Variants in ZNF562 observed in about 807,000 individuals in gnomAD.
ZNF562 encodes zinc finger protein 562.
A neutral mutation model predicts 17.5 loss-of-function variants in ZNF562; 13 were observed. The ratio of observed to expected loss-of-function variants is 0.74; its 90% CI spans 0.48 to 1.18. The LOEUF is 1.18. Among genes scored for constraint, ZNF562 ranks in the 50% most tolerant of loss-of-function variants. The pLI is 0.00. For synonymous variants in ZNF562, 163 were observed against 165.4 expected (o/e 0.99, Z 0.11); for missense variants, 481 against 498.5 (o/e 0.96, Z 0.33).
intron 1 of ZNF562, among the ~76,000 whole-genome samples, chr19:9,665,802 C>T (rs2043934732): frequency 6.6e-6 from 1 of 151,794 alleles, no homozygotes; most frequent in East Asian, 1.9e-4. Context: ...ATGGCTTGAG[C>T]TCAGGAGTTC....
chr19:9,674,827 C>T (rs926053539), intron 1 of ZNF562, 188 bp downstream of exon 1: 1 of 152,314 alleles, frequency 6.6e-6, no homozygotes. Context: ...AACAAACACA[C>T]TTCCCGACGC....
At chr19:9,663,511 T>G (rs745636540) in intron 1 of ZNF562, among the ~76,000 whole-genome samples, 1 of 151,692 alleles carries the variant, frequency 6.6e-6, no homozygotes, top group Non-Finnish European at 1.5e-5. Flanking sequence ...TTCCAAAATA[T>G]AGTCTTCAAG....
rs952667740 is a variant in ZNF562, at chr19:9,645,987, A to T, written c.*6962T>A. On this transcript the variant is annotated 3_prime_UTR_variant, in exon 6 of 6. Coordinates refer to ENST00000453372, the MANE Select transcript of ZNF562 (RefSeq NM_001130031.2). ...CAAAAAAAATTAGATGCTAGAAATT[A>T]ATCCAAATTATTACTAATTAAATGT... is the stretch of plus-strand genomic sequence containing the variant. 6.6e-6 allele frequency: 1 copy of T among 152,216 alleles called. No individual in the cohort carries two copies. Among genetic ancestry groups the T allele is most frequent in the Admixed American group, 6.5e-5 (1 of 15,276 alleles). 9.4% of individuals were successfully genotyped at this position (152,216 alleles called of 1,614,324 possible). A position where few individuals can be genotyped will look rare whatever the true frequency, so the allele number is the denominator to read the frequency against.
At chr19:9,665,096 C>T (rs2043901168) in intron 1 of ZNF562, among the ~76,000 whole-genome samples, 1 of 151,972 alleles carries the variant, frequency 6.6e-6, no homozygotes, top group Admixed American at 6.6e-5. Flanking sequence ...GTGGCACACG[C>T]CTGAAGTCCC....
chr19:9,653,978 C>T lies in ZNF562; in HGVS notation c.349-97G>A, dbSNP rs574830888. ...CATTATTTTGATGACAATTATTTTA[C>T]TTTTTAATGTTTAATTTTTTTTTTT... On this transcript the variant is annotated intron_variant, in intron 5 of 5. Coordinates refer to ENST00000453372, the MANE Select transcript of ZNF562 (RefSeq NM_001130031.2). 538 of 1,270,720 alleles carry T rather than the reference C, an allele frequency of 4.2e-4. 4 individuals are homozygous for T. The African/African-American group carries it at 8.0e-3, about 19-fold the overall frequency. The allele number at this position is 1,270,720 out of a possible 1,614,324, so 78.7% of individuals were successfully genotyped here.
Position 9,653,547 on chromosome 19 carries a change from C to T in ZNF562, c.683G>A (p.Gly228Glu). The T allele has an allele frequency of 1.2e-6, 2 of 1,614,172 alleles. No individual in the cohort carries two copies. Among genetic ancestry groups the T allele is most frequent in the East Asian group, 2.2e-5 (1 of 44,868 alleles). ...SLDNHMGIHI[G>E]EKLCEFQECE... is the part of the protein sequence containing the mutation. ...TTCCTGAAATTCACAGAGTTTCTCT[C>T]CAATGTGGATTCCCATGTGATTATC... The change falls in exon 6 of 6, where the codon GGA becomes GAA. Residue 228 changes from glycine to glutamate, a missense_variant. This residue lies in a region of ZNF562 where 403 missense variants were observed against 386.4 expected (regional missense o/e 1.04). Coordinates refer to ENST00000453372, the MANE Select transcript of ZNF562 (RefSeq NM_001130031.2).
At chr19:9,655,988 C>T (rs952939331) in intron 5 of ZNF562, among the ~76,000 whole-genome samples, 2 of 152,030 alleles carry the variant, frequency 1.3e-5, no homozygotes, top group Non-Finnish European at 2.9e-5. Flanking sequence ...CTATCTTTGC[C>T]TCCTAAAGTG....
chr19:9,659,918 C>G lies in ZNF562; in HGVS notation c.26-451G>C, dbSNP rs553236193. Among the ~76,000 whole-genome samples the G allele has an allele frequency of 9.9e-5, 10 of 100,998 alleles. No individual in the cohort carries two copies. In the East Asian group the frequency reaches 3.1e-3, roughly 32 times the overall value. 66.3% of individuals were successfully genotyped at this position (100,998 alleles called of 152,430 possible). On this transcript the variant is annotated intron_variant, in intron 2 of 5. Coordinates refer to ENST00000453372, the MANE Select transcript of ZNF562 (RefSeq NM_001130031.2). ...ACCAGCCTGGCCAACATGGCAAAACCCCGTCTCTACTAAAAAAAAAAAAAA... is the reference window on the plus strand; with the variant it reads ...ACCAGCCTGGCCAACATGGCAAAACGCCGTCTCTACTAAAAAAAAAAAAAA...
At position 9,652,924 on chromosome 19, in the gene ZNF562, A is replaced by G; in HGVS notation, c.*25T>C. The G allele has an allele frequency of 6.8e-7, 1 of 1,470,662 alleles. No homozygotes were observed. Among genetic ancestry groups the G allele is most frequent in the East Asian group, 2.3e-5 (1 of 43,006 alleles). 91.1% of individuals were successfully genotyped at this position (1,470,662 alleles called of 1,614,324 possible). A position where few individuals can be genotyped will look rare whatever the true frequency, so the allele number is the denominator to read the frequency against. ...TTCACAGGTGGGGTGAGGAATACAGAAATTCTTTCCCACATATCTTGCATT... is the reference window on the plus strand; with the variant it reads ...TTCACAGGTGGGGTGAGGAATACAGGAATTCTTTCCCACATATCTTGCATT... On this transcript the variant is annotated 3_prime_UTR_variant, in exon 6 of 6. Coordinates refer to ENST00000453372, the MANE Select transcript of ZNF562 (RefSeq NM_001130031.2).
At chr19:9,656,676 T>G in intron 4 of ZNF562, 23 bp from the exon 5 acceptor site, 1 of 1,604,894 alleles carries the variant, frequency 6.2e-7, no homozygotes, top group Non-Finnish European at 8.5e-7. Flanking sequence ...AGAAGAAATG[T>G]GTTAGTTTAA....
At chr19:9,664,954 G>T (rs554872132) in intron 1 of ZNF562, among the ~76,000 whole-genome samples, 2 of 152,312 alleles carry the variant, frequency 1.3e-5, no homozygotes, top group South Asian at 2.1e-4. Flanking sequence ...AGGTGTAGTG[G>T]CTCATGCCTG....
In ZNF562 at chr19:9,658,459, C is replaced by T. The variant is rs541393305; in HGVS notation, c.115-324G>A. On this transcript the variant is annotated intron_variant, in intron 3 of 5. Coordinates refer to ENST00000453372, the MANE Select transcript of ZNF562 (RefSeq NM_001130031.2). ...CCACCTCCTAAGTTCAAGTGATTCT[C>T]ATGCCTCAGCCTCCCAAGTAGATGG... 891 of 459,548 alleles carry T rather than the reference C, an allele frequency of 1.9e-3. 1 individual carries two copies. Among genetic ancestry groups the T allele is most frequent in the Non-Finnish European group, 2.0e-3 (694 of 349,736 alleles). The allele number at this position is 459,548 out of a possible 1,614,324, so 28.5% of individuals were successfully genotyped here.
chr19:9,652,861 A>G lies in ZNF562; in HGVS notation c.*88T>C. On this transcript the variant is annotated 3_prime_UTR_variant, in exon 6 of 6. Transcript: ENST00000453372. ...ATGAGGAAAGAGCAAATGCTTTCCC[A>G]AATTCTTTACATACAAAAGGTTTCT... 7.7e-7 allele frequency: 1 copy of G among 1,302,634 alleles called. No individual in the cohort carries two copies. Among genetic ancestry groups the G allele is most frequent in the Non-Finnish European group, 1.0e-6 (1 of 973,230 alleles). 80.7% of individuals were successfully genotyped at this position (1,302,634 alleles called of 1,614,324 possible). A position where few individuals can be genotyped will look rare whatever the true frequency, so the allele number is the denominator to read the frequency against.
chr19:9,673,231 G>A (rs533545504), intron 1 of ZNF562, among the ~76,000 whole-genome samples: 25 of 152,160 alleles, frequency 1.6e-4, no homozygotes, highest in South Asian at 2.1e-4. Context: ...CCTAACCCAC[G>A]GGGGAGAGAC....
chr19:9,654,434 G>T (rs1373605914), intron 5 of ZNF562, among the ~76,000 whole-genome samples: 1 of 152,010 alleles, frequency 6.6e-6, no homozygotes, highest in Admixed American at 6.6e-5. Context: ...AGGACTAGAG[G>T]CATGCATCAT....
In ZNF562 at chr19:9,650,982, A is replaced by AAAAAAAAAAAAAAAAAAAAAAC. The variant is rs1599260751; in HGVS notation, c.*1966_*1967insGTTTTTTTTTTTTTTTTTTTTT. 1.4e-5 allele frequency: 2 copies of AAAAAAAAAAAAAAAAAAAAAAC among 146,146 alleles called. No homozygotes were observed. The highest frequency in any genetic ancestry group is 3.4e-3 in the Middle Eastern group (1 of 294). The allele number at this position is 146,146 out of a possible 1,614,324, so 9.1% of individuals were successfully genotyped here. A position where few individuals can be genotyped will look rare whatever the true frequency, so the allele number is the denominator to read the frequency against. On this transcript the variant is annotated 3_prime_UTR_variant, in exon 6 of 6. Coordinates refer to ENST00000453372, the MANE Select transcript of ZNF562 (RefSeq NM_001130031.2). ...AAAAAAAAAAAAAAAAAAAAAAAAA[A>AAAAAAAAAAAAAAAAAAAAAAC]TCCTGTGTTTTTAACCTCATTGATT... is the stretch of plus-strand genomic sequence containing the variant.
At chr19:9,653,965 G>T in intron 5 of ZNF562, 84 bp from the exon 6 acceptor site, 3 of 1,347,000 alleles carry the variant, frequency 2.2e-6, no homozygotes, top group Middle Eastern at 2.0e-4. Flanking sequence ...TTATTTTGAT[G>T]ACAATTATTT....
chr19:9,663,062 G>C (rs1042469607), intron 1 of ZNF562, among the ~76,000 whole-genome samples: 1 of 151,426 alleles, frequency 6.6e-6, no homozygotes, highest in Non-Finnish European at 1.5e-5. Flanking sequence ...TTGCCACTTG[G>C]TACACAACTA....
rs142526474 is a variant in ZNF562, at chr19:9,656,871, A to AATATATAT, written c.242-226_242-219dup. On this transcript the variant is annotated intron_variant, in intron 4 of 5. Transcript: ENST00000453372. ...AACCCTCTCTCTAGTAAAATACAAAAATATATATATATATATATATTAGCC... is the reference window on the plus strand; with the variant it reads ...AACCCTCTCTCTAGTAAAATACAAAAATATATATATATATATATATATATATATTAGCC... Among the ~76,000 whole-genome samples, 1,018 of 142,420 alleles carry AATATATAT rather than the reference A, an allele frequency of 7.1e-3. 10 individuals carry two copies. The highest frequency in any genetic ancestry group is 0.016 in the African/African-American group (622 of 38,626). The allele number at this position is 142,420 out of a possible 152,430, so 93.4% of individuals were successfully genotyped here. A position where few individuals can be genotyped will look rare whatever the true frequency, so the allele number is the denominator to read the frequency against.
Sources: allele counts gnomAD v4.1 joint callset (sites outside exome capture counted in the v4.1 genomes callset), GRCh38; gene constraint gnomAD v4.1.1; regional missense constraint gnomAD v4.1.1; transcripts MANE v1.5; gene names NCBI Gene and HGNC (gene_info 2026-07-23, HGNC 2026-07-21).